CYTH1: variants seen among roughly 807,000 people sequenced by gnomAD.
The protein encoded by CYTH1 is cytohesin 1, also known as cytohesin-1.
In CYTH1, 18 loss-of-function variants were observed where a neutral mutation model predicts 61.8. The ratio of observed to expected loss-of-function variants is 0.29; its 90% CI spans 0.20 to 0.43. CYTH1 has a LOEUF of 0.43. CYTH1 is among the 20% of genes least tolerant of loss of function. The pLI is 1.00. For missense variants in CYTH1, 336 were observed against 510.5 expected (o/e 0.66, Z 3.29); for synonymous variants, 174 against 184.3 (o/e 0.94, Z 0.45).
chr17:78,736,118 C>T (rs1182644047), intron 1 of CYTH1, among the ~76,000 whole-genome samples: 1 of 152,228 alleles, frequency 6.6e-6, no homozygotes, highest in African/African-American at 2.4e-5. Context: ...CCCTTAGACA[C>T]ATTTTATTTA....
At chr17:78,770,219 G>A (rs1003611953) in intron 1 of CYTH1, among the ~76,000 whole-genome samples, 2 of 151,060 alleles carry the variant, frequency 1.3e-5, no homozygotes, top group Admixed American at 6.6e-5. Flanking sequence ...AGCTACTTGG[G>A]AGGCTGAGGC....
At chr17:78,725,470 A>C (rs1376350634) in intron 1 of CYTH1, among the ~76,000 whole-genome samples, 1 of 152,182 alleles carries the variant, frequency 6.6e-6, no homozygotes, top group Non-Finnish European at 1.5e-5. Context: ...AGCACTTTTC[A>C]TAGTCCTAAG....
chr17:78,758,367 A>C (rs1183701300), intron 1 of CYTH1, among the ~76,000 whole-genome samples: 3 of 152,124 alleles, frequency 2.0e-5, no homozygotes, highest in Non-Finnish European at 4.4e-5. Context: ...ACATGCCCCC[A>C]TTGAGGAGAA....
chr17:78,686,795 T>C (rs1460717957), intron 11 of CYTH1, among the ~76,000 whole-genome samples: 1 of 152,184 alleles, frequency 6.6e-6, no homozygotes, highest in Admixed American at 6.5e-5. Context: ...TATTTTTATT[T>C]TGGGGGGCAC....
At chr17:78,780,508 C>A (rs1263495044) in intron 1 of CYTH1, among the ~76,000 whole-genome samples, 12 of 151,942 alleles carry the variant, frequency 7.9e-5, no homozygotes, top group Middle Eastern at 3.2e-3. Flanking sequence ...AGAGCTAGAC[C>A]CTGTCTCAAA....
intron 1 of CYTH1, among the ~76,000 whole-genome samples, chr17:78,751,346 G>A (rs547540583): frequency 4.6e-5 from 7 of 152,092 alleles, no homozygotes; most frequent in African/African-American, 7.2e-5. Context: ...GCAAAGCTTC[G>A]CTAACATACT....
At chr17:78,692,270 T>C (rs2092895135) in intron 11 of CYTH1, 147 bp downstream of exon 11, 1 of 833,700 alleles carries the variant, frequency 1.2e-6, no homozygotes, top group Non-Finnish European at 2.0e-6. Context: ...TTTACTTCAG[T>C]TCTTGCACTT....
chr17:78,712,246 A>C (rs1348112042), intron 1 of CYTH1, among the ~76,000 whole-genome samples: 1 of 152,034 alleles, frequency 6.6e-6, no homozygotes, highest in East Asian at 1.9e-4. Flanking sequence ...AAAGAAAAGA[A>C]ATGCATTTTA....
chr17:78,781,111 G>A (rs962635649), intron 1 of CYTH1, among the ~76,000 whole-genome samples: 3 of 151,380 alleles, frequency 2.0e-5, no homozygotes, highest in South Asian at 2.1e-4. Context: ...AGAGGCTGAC[G>A]TGAGCTACGA....
Position 78,755,664 on chromosome 17 carries a change from C to T in CYTH1, c.22+26538G>A, listed in dbSNP as rs535581843. Among the ~76,000 whole-genome samples the T allele has an allele frequency of 1.4e-4, 21 of 151,958 alleles. 1 individual carries two copies. Among genetic ancestry groups the T allele is most frequent in the East Asian group, 7.7e-4 (4 of 5,176 alleles). On this transcript the variant is annotated intron_variant, in intron 1 of 13. Coordinates refer to ENST00000446868, the MANE Select transcript of CYTH1 (RefSeq NM_004762.6). Reference sequence around the variant, plus strand: ...GAATGGACAGCAAAAGGACATGAAGCGGCGGCCAGGCTCGGTGGCAGCACT... The same window carrying T: ...GAATGGACAGCAAAAGGACATGAAGTGGCGGCCAGGCTCGGTGGCAGCACT...
At chr17:78,684,143 T>G (rs2092791990) in intron 11 of CYTH1, among the ~76,000 whole-genome samples, 1 of 152,164 alleles carries the variant, frequency 6.6e-6, no homozygotes, top group Admixed American at 6.5e-5. Flanking sequence ...CACTGGGGAT[T>G]CTGGTATCCT....
At chr17:78,768,050 T>C (rs913468074) in intron 1 of CYTH1, among the ~76,000 whole-genome samples, 1 of 152,116 alleles carries the variant, frequency 6.6e-6, no homozygotes, top group African/African-American at 2.4e-5. Flanking sequence ...TTACAACACA[T>C]CACATATGAA....
chr17:78,741,127 G>A (rs977681152), intron 1 of CYTH1, among the ~76,000 whole-genome samples: 1 of 152,212 alleles, frequency 6.6e-6, no homozygotes, highest in African/African-American at 2.4e-5. Flanking sequence ...TGCAAGTGTT[G>A]TTGATTCAAG....
At chr17:78,774,846 T>C (rs1056071292) in intron 1 of CYTH1, among the ~76,000 whole-genome samples, 1 of 152,206 alleles carries the variant, frequency 6.6e-6, no homozygotes, top group Non-Finnish European at 1.5e-5. Flanking sequence ...TGTTCCCAAA[T>C]CTTGAGTAGA....
intron 1 of CYTH1, among the ~76,000 whole-genome samples, chr17:78,744,512 G>A (rs1477776546): frequency 6.6e-6 from 1 of 152,180 alleles, no homozygotes; most frequent in Non-Finnish European, 1.5e-5. Flanking sequence ...TCCAGCCTCT[G>A]CAGGCAGAAA....
chr17:78,781,740 G>A (rs765959375), intron 1 of CYTH1, among the ~76,000 whole-genome samples: 5 of 151,842 alleles, frequency 3.3e-5, no homozygotes, highest in African/African-American at 1.2e-4. Context: ...TCCGCCCCGA[G>A]CCCCGCAGAG....
intron 1 of CYTH1, among the ~76,000 whole-genome samples, chr17:78,777,782 C>T (rs1380607186): frequency 3.4e-5 from 5 of 147,878 alleles, no homozygotes; most frequent in South Asian, 2.1e-4. Flanking sequence ...GTCAGGAGAT[C>T]GAGACCATCC....
chr17:78,770,957 G>A (rs978311924), intron 1 of CYTH1, among the ~76,000 whole-genome samples: 13 of 151,956 alleles, frequency 8.6e-5, no homozygotes, highest in African/African-American at 2.4e-4. Context: ...GTGAAACACC[G>A]TCTCTCCTAA....
chr17:78,778,337 G>T (rs1459951136), intron 1 of CYTH1, among the ~76,000 whole-genome samples: 1 of 146,260 alleles, frequency 6.8e-6, no homozygotes, highest in Non-Finnish European at 1.5e-5. Flanking sequence ...AAAAATTAAG[G>T]TTTAAAAAGT....
Sources: allele counts gnomAD v4.1 joint callset (sites outside exome capture counted in the v4.1 genomes callset), GRCh38; gene constraint gnomAD v4.1.1; transcripts MANE v1.5; gene names NCBI Gene and HGNC (gene_info 2026-07-23, HGNC 2026-07-21).